PLB1: variants seen among roughly 807,000 people sequenced by gnomAD.
PLB1 encodes phospholipase B1, membrane-associated.
A neutral mutation model predicts 227.4 loss-of-function variants in PLB1; 242 were observed. That is an observed-to-expected ratio of 1.06 (90% CI 0.96 to 1.18). The LOEUF (loss-of-function observed/expected upper bound fraction) is 1.18. Among genes scored for constraint, PLB1 ranks in the 50% most tolerant of loss-of-function variants. PLB1 has a pLI of 0.00. For missense variants in PLB1, 1,858 were observed against 1,816.3 expected, an observed-to-expected ratio of 1.02 and a Z score of -0.42; for synonymous variants, 757 against 682.2, an observed-to-expected ratio of 1.11 and a Z score of -1.71.
At chr2:28,548,514 C>T (rs1212116891) in intron 14 of PLB1, 2 of 479,210 alleles carry the variant, frequency 4.2e-6, no homozygotes, top group South Asian at 1.5e-5. Context: ...TCTGTCCTGG[C>T]TGGCTGGGCC....
At chr2:28,528,827 C>T (rs1670618605) in intron 6 of PLB1, among the ~76,000 whole-genome samples, 1 of 152,082 alleles carries the variant, frequency 6.6e-6, no homozygotes, top group Admixed American at 6.5e-5. Context: ...GTACAGATAG[C>T]CTCACAGAGG....
At chr2:28,514,854 T>A (rs1668663837) in intron 1 of PLB1, among the ~76,000 whole-genome samples, 1 of 152,196 alleles carries the variant, frequency 6.6e-6, no homozygotes, top group Admixed American at 6.5e-5. Context: ...TTTATTTTTT[T>A]ATTTTTTTAG....
At chr2:28,621,961 C>G (rs908533808) in intron 49 of PLB1, among the ~76,000 whole-genome samples, 1 of 152,184 alleles carries the variant, frequency 6.6e-6, no homozygotes, top group Non-Finnish European at 1.5e-5. Context: ...CTTCCTTTCT[C>G]ACTTCACTTC....
intron 29 of PLB1, 79 bp downstream of exon 29, chr2:28,590,155 AC>A: frequency 8.0e-7 from 1 of 1,252,004 alleles, no homozygotes; most frequent in Non-Finnish European, 1.2e-6. Flanking sequence ...CCTCACCCTC[AC>A]CCCAGCTCTG....
At chr2:28,513,915 A>G (rs558554164) in intron 1 of PLB1, among the ~76,000 whole-genome samples, 3 of 152,336 alleles carry the variant, frequency 2.0e-5, no homozygotes, top group East Asian at 3.9e-4. Context: ...ATAAAATTAT[A>G]CTAATAATGC....
chr2:28,545,571 G>A (rs562652351), intron 14 of PLB1, among the ~76,000 whole-genome samples: 3 of 152,116 alleles, frequency 2.0e-5, no homozygotes, highest in Non-Finnish European at 2.9e-5. Context: ...ACGGTCTTTC[G>A]GGGTGTCCAT....
Position 28,521,785 on chromosome 2 carries a change from C to G in PLB1, c.243+2022C>G, listed in dbSNP as rs12476563. Among the ~76,000 whole-genome samples the G allele has an allele frequency of 7.8e-3, 1,179 of 151,022 alleles. 32 individuals carry two copies. The highest frequency in any genetic ancestry group is 0.066 in the East Asian group (338 of 5,160). ...CTTGCTGCCCCCGATCTCAGCAGCC[C>G]CAGCTGGATAGAACACTTCCTTATC... is the stretch of plus-strand genomic sequence containing the variant. On this transcript the variant is annotated intron_variant, in intron 4 of 57. Coordinates refer to ENST00000327757, the MANE Select transcript of PLB1 (RefSeq NM_153021.5).
chr2:28,606,162 CCT>C (rs1684648194), intron 42 of PLB1, among the ~76,000 whole-genome samples: 1 of 152,192 alleles, frequency 6.6e-6, no homozygotes, highest in Admixed American at 6.5e-5. Context: ...TGAGGAGGGA[CCT>C]CTCTACAGAA....
At chr2:28,499,409 C>T (rs976997886) in intron 1 of PLB1, among the ~76,000 whole-genome samples, 1 of 152,064 alleles carries the variant, frequency 6.6e-6, no homozygotes, top group African/African-American at 2.4e-5. Flanking sequence ...CACTTTTGCA[C>T]CAACCTAACA....
intron 9 of PLB1, among the ~76,000 whole-genome samples, chr2:28,536,519 T>A (rs1402902720): frequency 8.5e-5 from 13 of 152,352 alleles, no homozygotes; most frequent in African/African-American, 3.1e-4. Context: ...TGGTGTGTGA[T>A]TCAAGAAACC....
intron 1 of PLB1, among the ~76,000 whole-genome samples, chr2:28,515,524 T>A (rs769287241): frequency 6.6e-6 from 1 of 152,220 alleles, no homozygotes; most frequent in Non-Finnish European, 1.5e-5. Context: ...CGGATTCCAG[T>A]CATCATTCCT....
At chr2:28,543,360 C>T (rs938544698) in intron 14 of PLB1, 92 bp downstream of exon 14, 17 of 1,350,696 alleles carry the variant, frequency 1.3e-5, no homozygotes, top group Admixed American at 8.9e-5. Context: ...GGCTGCAGGG[C>T]GCCCCAGGAT....
At chr2:28,620,789 C>T (rs1686934287) in intron 48 of PLB1, 90 bp from the exon 49 acceptor site, 1 of 1,476,760 alleles carries the variant, frequency 6.8e-7, no homozygotes, top group Non-Finnish European at 9.5e-7. Context: ...GTGTCCCACC[C>T]ATGTCCCCAC....
At chr2:28,581,476 T>C (rs1679929663) in intron 23 of PLB1, among the ~76,000 whole-genome samples, 3 of 114,898 alleles carry the variant, frequency 2.6e-5, no homozygotes, top group Admixed American at 1.0e-4. Flanking sequence ...GATCCAGAGC[T>C]CCACGCAAAA....
chr2:28,614,922 A>T (rs1685980125), intron 44 of PLB1, among the ~76,000 whole-genome samples: 1 of 152,164 alleles, frequency 6.6e-6, no homozygotes, highest in Admixed American at 6.5e-5. Flanking sequence ...CCCGGCCCTC[A>T]CGTAGCTTAC....
chr2:28,519,809 G>A, intron 4 of PLB1, 46 bp downstream of exon 4: 4 of 1,506,358 alleles, frequency 2.7e-6, no homozygotes, highest in Non-Finnish European at 3.7e-6. Flanking sequence ...GTTTGGTACT[G>A]ATGATCCTCT....
At chr2:28,597,931 T>C (rs1361082108) in intron 33 of PLB1, 74 bp from the exon 34 acceptor site, 3 of 1,413,430 alleles carry the variant, frequency 2.1e-6, no homozygotes, top group Non-Finnish European at 3.0e-6. Context: ...GGGGCTGCTC[T>C]TGTGTAAAGT....
intron 17 of PLB1, among the ~76,000 whole-genome samples, chr2:28,559,636 A>G (rs1448177620): frequency 1.3e-5 from 2 of 151,380 alleles, no homozygotes; most frequent in Non-Finnish European, 2.9e-5. Context: ...CTGCACAGGT[A>G]CAATTCCACA....
chr2:28,626,435 A>G lies in PLB1; in HGVS notation c.3587A>G (p.Asn1196Ser), dbSNP rs780416323. The part of the protein sequence containing the change: ...VERMKNSPDI[N>S]LEKDWKLVTL... ...GATCTTCTGTCCCCTCAGGACATCA[A>G]CCTGGAGAAAGACTGGAAGCTGGTC... The change falls in exon 51 of 58, where the codon AAC becomes AGC. Residue 1196 changes from asparagine to serine, a missense_variant. Transcript: ENST00000327757. The G allele has an allele frequency of 4.3e-6, 7 of 1,614,028 alleles. No homozygotes were observed. The highest frequency in any genetic ancestry group is 1.1e-5 in the South Asian group (1 of 91,086).
Sources: gnomAD v4.1 joint callset for allele counts (sites outside exome capture counted in the v4.1 genomes callset) on GRCh38, gnomAD v4.1.1 for gene constraint, MANE v1.5 for transcripts, NCBI Gene and HGNC (gene_info 2026-07-23, HGNC 2026-07-21) for gene names.